The following DTNB variants were observed in gnomAD, a reference collection of about 807,000 sequenced individuals.
The protein encoded by DTNB is DTN-B.
A neutral mutation model predicts 90.7 loss-of-function variants in DTNB; 63 were observed. That is an observed-to-expected ratio of 0.69 (90% CI 0.57 to 0.86). The LOEUF is 0.86. DTNB is among the 40% of genes least tolerant of loss of function. The pLI, the probability that DTNB is intolerant of heterozygous loss-of-function variation, is 0.00. For missense variants in DTNB, 744 were observed against 807.1 expected (o/e 0.92, Z 0.95); for synonymous variants, 277 against 286.7 (o/e 0.97, Z 0.34).
At chr2:25,613,843 G>C (rs1033752053) in intron 4 of DTNB, among the ~76,000 whole-genome samples, 1 of 151,858 alleles carries the variant, frequency 6.6e-6, no homozygotes, top group Non-Finnish European at 1.5e-5. Context: ...CAGTAATCCC[G>C]GCTACTCAGG....
chr2:25,388,601 G>T, intron 16 of DTNB: 1 of 499,094 alleles, frequency 2.0e-6, no homozygotes, highest in Non-Finnish European at 3.5e-6. Context: ...GACCAAGAAT[G>T]GGAGGGAAAG....
At chr2:25,635,290 G>T (rs995648928) in intron 3 of DTNB, among the ~76,000 whole-genome samples, 2 of 152,050 alleles carry the variant, frequency 1.3e-5, no homozygotes, top group Non-Finnish European at 2.9e-5. Flanking sequence ...AGTTAGCTGG[G>T]TATGGTGGCG....
intron 16 of DTNB, among the ~76,000 whole-genome samples, chr2:25,415,533 G>C (rs999774342): frequency 3.9e-4 from 60 of 152,148 alleles, no homozygotes; most frequent in Middle Eastern, 6.8e-3. Context: ...TGAGATGACC[G>C]GGCTTCGGGA....
intron 1 of DTNB, among the ~76,000 whole-genome samples, chr2:25,663,580 T>A (rs2083719246): frequency 6.6e-6 from 1 of 152,208 alleles, no homozygotes; most frequent in Non-Finnish European, 1.5e-5. Flanking sequence ...TTTTAGTAAA[T>A]TCTCTGGTAA....
At chr2:25,465,127 C>A (rs1410646322) in intron 10 of DTNB, among the ~76,000 whole-genome samples, 1 of 152,168 alleles carries the variant, frequency 6.6e-6, no homozygotes, top group Admixed American at 6.5e-5. Flanking sequence ...GTAATCCCAG[C>A]ACTTTGGGAG....
At position 25,535,036 on chromosome 2, in the gene DTNB, A is replaced by G. The variant is rs1365063353; in HGVS notation, c.877-3439T>C. ...GGCGCTCCTCACCTCCCAGACGAAG[A>G]GCGGCCGGGCAGAGGCGCTCCTCAC... On this transcript the variant is annotated intron_variant, in intron 8 of 20. Transcript: ENST00000406818. Among the ~76,000 whole-genome samples the G allele has an allele frequency of 1.4e-4, 12 of 83,472 alleles. No individual in the cohort carries two copies. The South Asian group carries it at 1.5e-3, about 10-fold the overall frequency. 54.8% of individuals were successfully genotyped at this position (83,472 alleles called of 152,430 possible).
rs1019411692 is a variant in DTNB at position 25,570,937 on chromosome 2, A to G, written c.876+5901T>C. Among the ~76,000 whole-genome samples the G allele has an allele frequency of 2.0e-5, 3 of 152,202 alleles. No individual in the cohort carries two copies. In the East Asian group the frequency reaches 5.8e-4, roughly 29 times the overall value. On this transcript the variant is annotated intron_variant, in intron 8 of 20. Coordinates refer to ENST00000406818, the MANE Select transcript of DTNB (RefSeq NM_021907.5). ...TTAAACTCTAGACTCATAATATACA[A>G]TGACCTCAACAACTCCATATGGACG...
intron 5 of DTNB, 47 bp from the exon 6 acceptor site, chr2:25,596,287 C>A: frequency 6.5e-7 from 1 of 1,534,756 alleles, no homozygotes; most frequent in Non-Finnish European, 8.7e-7. Context: ...GAAATATCAG[C>A]TTTTTATAAA....
intron 8 of DTNB, among the ~76,000 whole-genome samples, chr2:25,536,400 C>A (rs2079772853): frequency 6.6e-6 from 1 of 152,146 alleles, no homozygotes; most frequent in African/African-American, 2.4e-5. Flanking sequence ...CCACTGCACT[C>A]CAGCCTGGGC....
chr2:25,564,521 C>T (rs2058721642), intron 8 of DTNB, among the ~76,000 whole-genome samples: 1 of 151,720 alleles, frequency 6.6e-6, no homozygotes, highest in Non-Finnish European at 1.5e-5. Context: ...GCTGGGACTA[C>T]AGGCACGCGC....
intron 11 of DTNB, among the ~76,000 whole-genome samples, chr2:25,452,854 CTT>C (rs1251573890): frequency 6.6e-6 from 1 of 151,318 alleles, no homozygotes; most frequent in African/African-American, 2.4e-5. Context: ...TTTGTCAACA[CTT>C]TATAATTTTA....
intron 8 of DTNB, among the ~76,000 whole-genome samples, chr2:25,567,086 TTC>T (rs1277574305): frequency 6.6e-6 from 1 of 152,230 alleles, no homozygotes; most frequent in Non-Finnish European, 1.5e-5. Flanking sequence ...ATTTTGTATA[TTC>T]TGTTTTTAAT....
chr2:25,389,840 A>T (rs1361822657), intron 16 of DTNB, among the ~76,000 whole-genome samples: 1 of 137,936 alleles, frequency 7.2e-6, no homozygotes, highest in Non-Finnish European at 1.5e-5. Context: ...TCTTACTTTG[A>T]ATCATTTGTG....
rs528428526 is a variant in DTNB, at chr2:25,560,524, G to A, written c.876+16314C>T. Among the ~76,000 whole-genome samples the A allele has an allele frequency of 5.3e-5, 8 of 151,386 alleles. No individual in the cohort carries two copies. In the East Asian group the frequency reaches 1.5e-3, roughly 29 times the overall value. On this transcript the variant is annotated intron_variant, in intron 8 of 20. Coordinates refer to ENST00000406818, the MANE Select transcript of DTNB (RefSeq NM_021907.5). ...GTCTGCCTTTGGACCCAAACTGAAAGATCAACTCTTTCTAGGTCTGGAGCC... is the reference window on the plus strand; with the variant it reads ...GTCTGCCTTTGGACCCAAACTGAAAAATCAACTCTTTCTAGGTCTGGAGCC...
At chr2:25,401,462 G>C (rs2149649227) in intron 16 of DTNB, among the ~76,000 whole-genome samples, 1 of 152,364 alleles carries the variant, frequency 6.6e-6, no homozygotes, top group Non-Finnish European at 1.5e-5. Context: ...ACATGCTGTG[G>C]CAGAGAGAAC....
At chr2:25,517,897 A>C (rs772947948) in intron 9 of DTNB, among the ~76,000 whole-genome samples, 1 of 152,244 alleles carries the variant, frequency 6.6e-6, no homozygotes, top group Non-Finnish European at 1.5e-5. Context: ...ATCCTGTCAC[A>C]CGCTGCAACA....
chr2:25,566,502 G>GT (rs1349798920), intron 8 of DTNB, among the ~76,000 whole-genome samples: 1 of 152,146 alleles, frequency 6.6e-6, no homozygotes, highest in East Asian at 1.9e-4. Context: ...AGTTAAAACA[G>GT]TAAGCACAAG....
chr2:25,490,843 T>C (rs1003151421), intron 9 of DTNB, among the ~76,000 whole-genome samples: 5 of 152,174 alleles, frequency 3.3e-5, no homozygotes, highest in Non-Finnish European at 5.9e-5. Context: ...GTCTTCACAA[T>C]AGTCGTATAC....
At chr2:25,649,439 G>A (rs2080334281) in intron 2 of DTNB, among the ~76,000 whole-genome samples, 1 of 152,184 alleles carries the variant, frequency 6.6e-6, no homozygotes, top group Non-Finnish European at 1.5e-5. Flanking sequence ...TACTGGCCAG[G>A]CACGGTAGTT....
Sources: allele counts gnomAD v4.1 joint callset (sites outside exome capture counted in the v4.1 genomes callset), GRCh38; gene constraint gnomAD v4.1.1; transcripts MANE v1.5; gene names NCBI Gene and HGNC (gene_info 2026-07-23, HGNC 2026-07-21).